The following SRL variants were observed in gnomAD, a reference collection of about 807,000 sequenced individuals.
The protein encoded by SRL is sarcalumenin.
A neutral mutation model predicts 39.5 loss-of-function variants in SRL; 23 were observed. The observed-to-expected ratio is 0.58, with a 90% CI of 0.42 to 0.82. The LOEUF (loss-of-function observed/expected upper bound fraction) is 0.82, where lower values mean the gene tolerates loss of function less well. Ranked by LOEUF, SRL falls within the 40% of genes least tolerant of loss-of-function variation. The probability of loss-of-function intolerance (pLI) is 0.00; values close to 1 mark genes in which losing one functional copy is unlikely to be tolerated. For missense variants in SRL, 592 were observed against 607.8 expected, an observed-to-expected ratio of 0.97 and a Z score of 0.27; for synonymous variants, 272 against 237.4, an observed-to-expected ratio of 1.15 and a Z score of -1.34.
chr16:4,217,367 T>A (rs1225701146), intron 1 of SRL, among the ~76,000 whole-genome samples: 1 of 152,192 alleles, frequency 6.6e-6, no homozygotes, highest in Non-Finnish European at 1.5e-5. Context: ...TTGTCACACT[T>A]CAGCCTCCAG....
At chr16:4,235,316 C>T (rs942667717) in intron 1 of SRL, among the ~76,000 whole-genome samples, 9 of 152,152 alleles carry the variant, frequency 5.9e-5, no homozygotes, top group Admixed American at 6.5e-5. Flanking sequence ...CAATGGGACA[C>T]GAGAGGGCAC....
chr16:4,205,849 G>A (rs918629831), intron 1 of SRL, among the ~76,000 whole-genome samples: 11 of 151,820 alleles, frequency 7.2e-5, no homozygotes, highest in Non-Finnish European at 1.5e-4. Context: ...GAGGTGGGAG[G>A]ATCGCTTGAG....
intron 3 of SRL, among the ~76,000 whole-genome samples, chr16:4,202,294 T>C (rs2052245775): frequency 6.6e-6 from 1 of 152,112 alleles, no homozygotes; most frequent in Non-Finnish European, 1.5e-5. Context: ...GGGAGTCGAA[T>C]TAAAGAAGTT....
chr16:4,228,505 G>A lies in SRL; in HGVS notation c.61+13502C>T, dbSNP rs1336881627. Among the ~76,000 whole-genome samples the A allele has an allele frequency of 2.0e-5, 3 of 152,072 alleles. No individual in the cohort carries two copies. The South Asian group carries it at 6.2e-4, about 31-fold the overall frequency. On this transcript the variant is annotated intron_variant, in intron 1 of 5. Transcript: ENST00000399609. Reference sequence around the variant, plus strand: ...AATCCCAGCACTTTGGGAGGCCGAGGCGGGCGGATCACTAGGTCAGGAGAT... The same window carrying A: ...AATCCCAGCACTTTGGGAGGCCGAGACGGGCGGATCACTAGGTCAGGAGAT...
At chr16:4,209,995 T>C (rs12923343) in intron 1 of SRL, among the ~76,000 whole-genome samples, 146,095 of 152,246 alleles carry the variant, frequency 0.96, 70,154 homozygotes, top group East Asian at 1. Context: ...TGCCTTCTCT[T>C]CAGGCTCAAG....
At chr16:4,225,834 G>A (rs1283267888) in intron 1 of SRL, among the ~76,000 whole-genome samples, 1 of 151,864 alleles carries the variant, frequency 6.6e-6, no homozygotes, top group Admixed American at 6.6e-5. Context: ...CCCTCCGGTG[G>A]CTCCCACCTC....
chr16:4,215,409 C>T (rs995793815), intron 1 of SRL, among the ~76,000 whole-genome samples: 2 of 152,294 alleles, frequency 1.3e-5, no homozygotes, highest in African/African-American at 4.8e-5. Flanking sequence ...TGACAGGGTA[C>T]AATGACAAAG....
chr16:4,224,749 AAGTGTCCCC>A (rs2052568751), intron 1 of SRL, among the ~76,000 whole-genome samples: 1 of 152,084 alleles, frequency 6.6e-6, no homozygotes, highest in Admixed American at 6.6e-5. Flanking sequence ...AAAAAGGATA[AAGTGTCCCC>A]AGAATGTATA....
chr16:4,212,918 C>T (rs1325606239), intron 1 of SRL, among the ~76,000 whole-genome samples: 1 of 152,214 alleles, frequency 6.6e-6, no homozygotes, highest in Non-Finnish European at 1.5e-5. Context: ...TTTGTTTCTT[C>T]AGCCCTGTCT....
rs555999418 is a variant in SRL at position 4,210,486 on chromosome 16, CTTTTTTTTTTTT to C, written c.62-5864_62-5853del. On this transcript the variant is annotated intron_variant, in intron 1 of 5. Coordinates refer to ENST00000399609, the MANE Select transcript of SRL (RefSeq NM_001098814.2). ...TTGGTAAAATGAGTATTACTCATAT[CTTTTTTTTTTTT>C]TTTTTTTTTGAGACAAGGTCTCACT... 2.1e-4 allele frequency among the ~76,000 whole-genome samples: 22 copies of C among 103,996 alleles called. No homozygotes were observed. In the East Asian group the frequency reaches 5.7e-3, roughly 27 times the overall value. The allele number at this position is 103,996 out of a possible 152,430, so 68.2% of individuals were successfully genotyped here. A position where few individuals can be genotyped will look rare whatever the true frequency, so the allele number is the denominator to read the frequency against.
chr16:4,225,256 CAT>C (rs2052574889), intron 1 of SRL, among the ~76,000 whole-genome samples: 2 of 152,112 alleles, frequency 1.3e-5, no homozygotes, highest in African/African-American at 4.8e-5. Context: ...AATTAAATGA[CAT>C]ATGAATTATA....
intron 4 of SRL, 30 bp from the exon 5 acceptor site, chr16:4,195,816 T>C: frequency 6.4e-7 from 1 of 1,571,322 alleles, no homozygotes; most frequent in Non-Finnish European, 8.7e-7. Flanking sequence ...GGTGAAGGAA[T>C]ACATGATCTC....
In SRL at chr16:4,192,452, G is replaced by C. The variant is rs780844549; in HGVS notation, c.1123C>G (p.Pro375Ala). The C allele has an allele frequency of 6.2e-7, 1 of 1,614,178 alleles. No individual in the cohort carries two copies. Among genetic ancestry groups the C allele is most frequent in the Non-Finnish European group, 8.5e-7 (1 of 1,180,036 alleles). ...ELVFKDIVED[P>A]DKFYIFKTIL... ...GTCTTGAAGATGTAGAATTTATCGG[G>C]ATCTTCCACAATGTCCTTAAAGACC... Residue 375 changes from proline to alanine, a missense_variant, in exon 6 of 6, where the codon CCC becomes GCC. Transcript: ENST00000399609. The surrounding 1 kb of genome is among the most constrained non-coding windows in gnomAD (Gnocchi z 4.0).
intron 1 of SRL, among the ~76,000 whole-genome samples, chr16:4,223,828 C>A (rs902663765): frequency 1.3e-5 from 2 of 152,158 alleles, no homozygotes; most frequent in African/African-American, 2.4e-5. Flanking sequence ...GGTGGAGGAA[C>A]CTGCTTGTGT....
chr16:4,214,212 T>C (rs887414657), intron 1 of SRL, among the ~76,000 whole-genome samples: 1 of 152,198 alleles, frequency 6.6e-6, no homozygotes, highest in Admixed American at 6.5e-5. Context: ...ATGTATTCAG[T>C]GCCTTCGTGC....
intron 1 of SRL, among the ~76,000 whole-genome samples, chr16:4,240,619 C>T (rs2141075832): frequency 6.6e-6 from 1 of 152,238 alleles, no homozygotes; most frequent in East Asian, 1.9e-4. Context: ...ACGACAAGAG[C>T]CCCCAGCGAG....
intron 1 of SRL, among the ~76,000 whole-genome samples, chr16:4,220,403 A>G (rs11646960): frequency 0.2 from 29,842 of 151,308 alleles, 3,277 homozygotes; most frequent in Admixed American, 0.27. Context: ...AGCCGAGATC[A>G]CGCCATTGCA....
intron 5 of SRL, among the ~76,000 whole-genome samples, chr16:4,194,845 C>G (rs2052114492): frequency 6.6e-6 from 1 of 152,042 alleles, no homozygotes; most frequent in African/African-American, 2.4e-5. Context: ...ACTGGGCACA[C>G]TTCCTCTCCC....
chr16:4,209,668 T>C (rs2386883), intron 1 of SRL, among the ~76,000 whole-genome samples: 84,090 of 152,060 alleles, frequency 0.55, 24,147 homozygotes, highest in African/African-American at 0.7. Flanking sequence ...AGCTAGCCTG[T>C]TGTCGAACTC....
Sources: allele counts gnomAD v4.1 joint callset (sites outside exome capture counted in the v4.1 genomes callset), GRCh38; gene constraint gnomAD v4.1.1; non-coding constraint Gnocchi (gnomAD v3.1); transcripts MANE v1.5; gene names NCBI Gene and HGNC (gene_info 2026-07-23, HGNC 2026-07-21).